CAMK2D: variants seen among roughly 807,000 people sequenced by gnomAD.
The protein encoded by CAMK2D is calcium/calmodulin-dependent protein kinase type II subunit delta.
In CAMK2D, 37 loss-of-function variants were observed where a neutral mutation model predicts 84.0. The ratio of observed to expected loss-of-function variants is 0.44; its 90% CI spans 0.34 to 0.58. The LOEUF (loss-of-function observed/expected upper bound fraction) is 0.58. Among genes scored for constraint, CAMK2D ranks in the 20% least tolerant of loss-of-function variants. The pLI is 0.02. For missense variants in CAMK2D, 448 were observed against 652.5 expected (o/e 0.69, Z 3.41); for synonymous variants, 202 against 212.5 (o/e 0.95, Z 0.43).
chr4:113,754,891 A>C, intron 2 of CAMK2D: 6 of 983,332 alleles, frequency 6.1e-6, no homozygotes, highest in Non-Finnish European at 7.2e-6. Flanking sequence ...ATGTACAAAT[A>C]TAAAAATGAT....
intron 4 of CAMK2D, among the ~76,000 whole-genome samples, chr4:113,572,215 A>C (rs180995745): frequency 3.9e-4 from 60 of 152,304 alleles, no homozygotes; most frequent in African/African-American, 1.3e-3. Context: ...TCATTTACAT[A>C]AGAATTGTGT....
chr4:113,498,701 A>G (rs2097980618), intron 16 of CAMK2D, among the ~76,000 whole-genome samples: 1 of 152,218 alleles, frequency 6.6e-6, no homozygotes. Context: ...TATCATTGTT[A>G]TGATTTGAAT....
At chr4:113,526,414 A>ATAATGTG (rs1553930374) in intron 8 of CAMK2D, among the ~76,000 whole-genome samples, 1 of 149,568 alleles carries the variant, frequency 6.7e-6, no homozygotes, top group Non-Finnish European at 1.5e-5. Flanking sequence ...GTCATTCTTG[A>ATAATGTG]TGTGTGTGTG....
At chr4:113,613,000 A>T (rs2099006778) in intron 3 of CAMK2D, among the ~76,000 whole-genome samples, 1 of 152,004 alleles carries the variant, frequency 6.6e-6, no homozygotes, top group Admixed American at 6.6e-5. Flanking sequence ...TAGCTCCATA[A>T]AGAAGGGGTC....
chr4:113,706,308 G>T (rs2099455088), intron 2 of CAMK2D, among the ~76,000 whole-genome samples: 1 of 152,126 alleles, frequency 6.6e-6, no homozygotes, highest in African/African-American at 2.4e-5. Context: ...CTATAAATGT[G>T]TAACACTGTA....
At chr4:113,488,487 C>G (rs80168078) in intron 16 of CAMK2D, among the ~76,000 whole-genome samples, 4,284 of 152,162 alleles carry the variant, frequency 0.028, 208 homozygotes, top group African/African-American at 0.095. Flanking sequence ...GATAATGGAA[C>G]AGTAGGTATA....
At chr4:113,495,574 A>G (rs1197391070) in intron 16 of CAMK2D, among the ~76,000 whole-genome samples, 1 of 152,198 alleles carries the variant, frequency 6.6e-6, no homozygotes, top group African/African-American at 2.4e-5. Context: ...TAATCAAGTG[A>G]TTCTATAAAT....
chr4:113,622,087 T>C (rs1402970632), intron 3 of CAMK2D, among the ~76,000 whole-genome samples: 1 of 152,196 alleles, frequency 6.6e-6, no homozygotes, highest in Non-Finnish European at 1.5e-5. Context: ...TTGTTTAACC[T>C]GAAAGACAAA....
At chr4:113,489,399 T>C (rs2154136510) in intron 16 of CAMK2D, among the ~76,000 whole-genome samples, 1 of 151,394 alleles carries the variant, frequency 6.6e-6, no homozygotes, top group East Asian at 2.0e-4. Context: ...GTTTGGTTTT[T>C]TTGTTCTTGC....
At chr4:113,720,001 T>G (rs1352640702) in intron 2 of CAMK2D, among the ~76,000 whole-genome samples, 4 of 152,078 alleles carry the variant, frequency 2.6e-5, no homozygotes, top group Non-Finnish European at 4.4e-5. Flanking sequence ...AATACTAAAT[T>G]ATATTCTAAG....
intron 3 of CAMK2D, among the ~76,000 whole-genome samples, chr4:113,639,651 C>A (rs193254117): frequency 1.3e-5 from 2 of 151,070 alleles, no homozygotes; most frequent in East Asian, 3.9e-4. Context: ...AGGAGTTCAG[C>A]CAGACAAAGT....
At chr4:113,634,853 A>G (rs1450473992) in intron 3 of CAMK2D, among the ~76,000 whole-genome samples, 3 of 152,188 alleles carry the variant, frequency 2.0e-5, no homozygotes, top group Non-Finnish European at 4.4e-5. Context: ...TCTAGAATAC[A>G]GAGGTACCAA....
At position 113,601,683 on chromosome 4, in the gene CAMK2D, CTTTTTTTTTTT is replaced by C. The variant is rs755850795; in HGVS notation, c.275+7458_275+7468del. 8.4e-3 allele frequency among the ~76,000 whole-genome samples: 387 copies of C among 45,846 alleles called. 2 individuals carry two copies. Among genetic ancestry groups the C allele is most frequent in the African/African-American group, 0.035 (372 of 10,500 alleles). 30.1% of individuals were successfully genotyped at this position (45,846 alleles called of 152,430 possible). On this transcript the variant is annotated intron_variant, in intron 4 of 20. Transcript: ENST00000511664. The stretch of plus-strand genomic sequence containing the variant: ...ATTTTATGTAGATTAACTGTTTATT[CTTTTTTTTTTT>C]TTTTTTTTTTTTTTTTCATTTTTTA...
intron 4 of CAMK2D, among the ~76,000 whole-genome samples, chr4:113,586,876 G>A (rs1174040220): frequency 1.3e-5 from 2 of 152,114 alleles, no homozygotes; most frequent in African/African-American, 4.8e-5. Flanking sequence ...AAAGAACAGG[G>A]TCATGGAACA....
At chr4:113,678,026 A>G (rs961004305) in intron 2 of CAMK2D, among the ~76,000 whole-genome samples, 1 of 152,196 alleles carries the variant, frequency 6.6e-6, no homozygotes, top group Non-Finnish European at 1.5e-5. Flanking sequence ...AACATCTCAA[A>G]TAACTAGAAT....
At chr4:113,741,387 C>T (rs949729281) in intron 2 of CAMK2D, among the ~76,000 whole-genome samples, 1 of 152,086 alleles carries the variant, frequency 6.6e-6, no homozygotes, top group African/African-American at 2.4e-5. Context: ...CACAGAATAA[C>T]TTTTATTATA....
intron 4 of CAMK2D, among the ~76,000 whole-genome samples, chr4:113,559,554 C>T (rs913794235): frequency 2.6e-5 from 4 of 152,196 alleles, no homozygotes; most frequent in African/African-American, 7.2e-5. Flanking sequence ...ATATTATTAA[C>T]GTCACATGTA....
intron 4 of CAMK2D, among the ~76,000 whole-genome samples, chr4:113,587,001 C>T (rs1216891042): frequency 1.2e-4 from 18 of 152,166 alleles, no homozygotes; most frequent in Non-Finnish European, 2.4e-4. Context: ...AATGCAAGCA[C>T]ATAATACCCC....
At position 113,661,654 on chromosome 4, in the gene CAMK2D, T is replaced by C. The variant is rs899652760; in HGVS notation, c.220+59A>G. On this transcript the variant is annotated intron_variant, in intron 3 of 20. Transcript: ENST00000511664. ...GATTATAAAATTAGCATTTTTATTG[T>C]GGTAAATAACATAAAATTTTAAATT... 2.4e-5 allele frequency: 17 copies of C among 717,380 alleles called. No homozygotes were observed. In the South Asian group the frequency reaches 2.7e-4, roughly 11 times the overall value. The allele number at this position is 717,380 out of a possible 1,614,324, so 44.4% of individuals were successfully genotyped here.
Sources: allele counts gnomAD v4.1 joint callset (sites outside exome capture counted in the v4.1 genomes callset), GRCh38; gene constraint gnomAD v4.1.1; transcripts MANE v1.5; gene names NCBI Gene and HGNC (gene_info 2026-07-23, HGNC 2026-07-21).